MED26: variants seen among roughly 807,000 people sequenced by gnomAD.
MED26 encodes mediator of RNA polymerase II transcription subunit 26.
Under a neutral mutation model 43.7 loss-of-function variants are expected in MED26, and 7 were observed. The observed-to-expected ratio is 0.16, with a 90% CI of 0.09 to 0.30. MED26 has a LOEUF of 0.30. Among genes scored for constraint, MED26 ranks in the 10% least tolerant of loss-of-function variants. MED26 has a pLI of 1.00. For synonymous variants in MED26, 375 were observed against 371.1 expected, an observed-to-expected ratio of 1.01 and a Z score of -0.12; for missense variants, 784 against 840.6, an observed-to-expected ratio of 0.93 and a Z score of 0.83.
At chr19:16,614,200 G>A (rs140666676) in intron 1 of MED26, among the ~76,000 whole-genome samples, 7 of 152,278 alleles carry the variant, frequency 4.6e-5, no homozygotes, top group Non-Finnish European at 8.8e-5. Context: ...AGAAGGACCT[G>A]AAGCCTTCCA....
intron 1 of MED26, among the ~76,000 whole-genome samples, chr19:16,618,852 C>T (rs910665034): frequency 6.6e-6 from 1 of 152,198 alleles, no homozygotes; most frequent in South Asian, 2.1e-4. Context: ...CATAAGGAAA[C>T]GTTTGGTGGG....
At chr19:16,624,604 C>A (rs544209171) in intron 1 of MED26, 1 of 152,252 alleles carries the variant, frequency 6.6e-6, no homozygotes, top group Non-Finnish European at 1.5e-5. Flanking sequence ...CGGACCTTTC[C>A]TCTAAAAGCT....
In MED26 at chr19:16,576,470, G is replaced by C; in HGVS notation, c.1360C>G (p.Gln454Glu). ...TGCTTGTCCAGCTCTGTCCTGGACTGCTGCTCCATGTGCACAGGGCTGTCT... is the reference window on the plus strand; with the variant it reads ...TGCTTGTCCAGCTCTGTCCTGGACTCCTGCTCCATGTGCACAGGGCTGTCT... ...RADSPVHMEQQSRTELDKQEA... is the reference protein window; with the variant it reads ...RADSPVHMEQESRTELDKQEA... The change falls in exon 3 of 3, where the codon CAG (glutamine) becomes GAG (glutamate). Residue 454 changes from glutamine (Q) to glutamate (E), a missense_variant. Coordinates refer to ENST00000263390, the MANE Select transcript of MED26 (RefSeq NM_004831.5). The surrounding 1 kb of genome is among the most constrained non-coding windows in gnomAD (Gnocchi z 6.8). 1 of 1,614,190 alleles carries C rather than the reference G, an allele frequency of 6.2e-7. No homozygotes were observed. Among genetic ancestry groups the C allele is most frequent in the Non-Finnish European group, 8.5e-7 (1 of 1,180,036 alleles).
intron 1 of MED26, among the ~76,000 whole-genome samples, chr19:16,604,486 C>T (rs552084726): frequency 2.6e-5 from 4 of 152,280 alleles, no homozygotes; most frequent in African/African-American, 4.8e-5. Flanking sequence ...TTAAGGAGAA[C>T]GACTAAGCTC....
In MED26 at chr19:16,586,710, C is replaced by A. The variant is rs1249250822; in HGVS notation, c.73-8301G>T. ...GGAGCACAGACTGCAGTTCTGCACT[C>A]CCCCACCTCGGTGTCCGGCCAGCCT... On this transcript the variant is annotated intron_variant, in intron 1 of 2. Coordinates refer to ENST00000263390, the MANE Select transcript of MED26 (RefSeq NM_004831.5). This position sits in a 1 kb window ranked among gnomAD's most constrained non-coding sequence, Gnocchi z 5.1. Among the ~76,000 whole-genome samples the A allele has an allele frequency of 6.6e-6, 1 of 152,206 alleles. No homozygotes were observed. Among genetic ancestry groups the A allele is most frequent in the South Asian group, 2.1e-4 (1 of 4,832 alleles).
intron 1 of MED26, among the ~76,000 whole-genome samples, chr19:16,617,587 G>C (rs1197146143): frequency 6.6e-6 from 1 of 152,222 alleles, no homozygotes; most frequent in Non-Finnish European, 1.5e-5. Context: ...TGGAGGACCA[G>C]AAACAGAAAA....
chr19:16,583,995 C>T (rs899282980), intron 1 of MED26, among the ~76,000 whole-genome samples: 1 of 152,170 alleles, frequency 6.6e-6, no homozygotes, highest in Non-Finnish European at 1.5e-5. Context: ...GCCCCAGGAA[C>T]ACACGCATGG....
chr19:16,577,139 T>C lies in MED26; in HGVS notation c.691A>G (p.Ser231Gly). ...IPVNAVRPHT[S>G]SPGLGKPPGP... ...GGGGGCTTGCCCAGGCCCGGGGAGC[T>C]GGTGTGCGGTCGCACGGCGTTGACG... The change falls in exon 3 of 3, where the codon AGC becomes GGC. Residue 231 changes from serine (S) to glycine (G), a missense_variant. By Grantham distance (56) the Ser-to-Gly change is moderately conservative. Transcript: ENST00000263390. The surrounding 1 kb of genome is among the most constrained non-coding windows in gnomAD (Gnocchi z 8.1). The C allele has an allele frequency of 6.2e-7, 1 of 1,613,292 alleles. No homozygotes were observed. Among genetic ancestry groups the C allele is most frequent in the Non-Finnish European group, 8.5e-7 (1 of 1,179,902 alleles).
At chr19:16,627,820 A>G in intron 1 of MED26, 52 bp downstream of exon 1, 6 of 1,330,036 alleles carry the variant, frequency 4.5e-6, no homozygotes, top group Non-Finnish European at 5.0e-6. Flanking sequence ...GGAGAGGGGG[A>G]GGGTCCCGGG....
chr19:16,613,766 T>TG (rs1599346484), intron 1 of MED26, among the ~76,000 whole-genome samples: 1 of 152,184 alleles, frequency 6.6e-6, no homozygotes, highest in South Asian at 2.1e-4. Context: ...CTGCTGTCCT[T>TG]GCAACCATTT....
At chr19:16,615,290 T>C (rs887127272) in intron 1 of MED26, among the ~76,000 whole-genome samples, 19 of 152,072 alleles carry the variant, frequency 1.2e-4, no homozygotes, top group Non-Finnish European at 2.9e-5. Flanking sequence ...CAGCTGAGCA[T>C]GGCTGGAGCA....
chr19:16,585,143 C>T (rs543249634), intron 1 of MED26, among the ~76,000 whole-genome samples: 2 of 152,180 alleles, frequency 1.3e-5, no homozygotes, highest in South Asian at 4.1e-4. Flanking sequence ...TGGTACTGGG[C>T]TGCTGCTTAA....
intron 1 of MED26, among the ~76,000 whole-genome samples, chr19:16,593,265 T>A (rs1341667516): frequency 6.6e-6 from 1 of 152,136 alleles, no homozygotes; most frequent in Non-Finnish European, 1.5e-5. Flanking sequence ...CACCATTCAC[T>A]GGGTCTGGAA....
At chr19:16,578,505 CAG>C in intron 1 of MED26, 96 bp from the exon 2 acceptor site, 1 of 1,177,834 alleles carries the variant, frequency 8.5e-7, no homozygotes, top group Admixed American at 2.1e-5. Context: ...TCCCCAACCC[CAG>C]AGCAAGAGGA....
intron 1 of MED26, among the ~76,000 whole-genome samples, chr19:16,595,201 G>C (rs79612176): frequency 0.052 from 7,884 of 152,218 alleles, 281 homozygotes; most frequent in South Asian, 0.065. Flanking sequence ...TCAAAGCCCT[G>C]AGATGGTTGA....
At chr19:16,622,934 C>T (rs1041599222) in intron 1 of MED26, among the ~76,000 whole-genome samples, 1 of 152,188 alleles carries the variant, frequency 6.6e-6, no homozygotes, top group Non-Finnish European at 1.5e-5. Flanking sequence ...TGTCCTCCTT[C>T]ACCTAAGAGA....
intron 1 of MED26, among the ~76,000 whole-genome samples, chr19:16,580,996 G>C (rs1386152911): frequency 6.6e-6 from 1 of 152,190 alleles, no homozygotes; most frequent in Non-Finnish European, 1.5e-5. Context: ...GTCCTTGAGG[G>C]CTGTTAATTC....
At chr19:16,609,330 A>G (rs1463462709) in intron 1 of MED26, among the ~76,000 whole-genome samples, 3 of 141,074 alleles carry the variant, frequency 2.1e-5, no homozygotes, top group Non-Finnish European at 3.2e-5. Context: ...AAAAAAAAAA[A>G]AAAAAAAGAG....
intron 1 of MED26, among the ~76,000 whole-genome samples, chr19:16,619,465 C>T (rs990710423): frequency 3.9e-5 from 6 of 152,180 alleles, no homozygotes; most frequent in Admixed American, 1.3e-4. Flanking sequence ...ATGACTAGAA[C>T]GGGGGACATC....
Sources: allele counts gnomAD v4.1 joint callset (sites outside exome capture counted in the v4.1 genomes callset), GRCh38; gene constraint gnomAD v4.1.1; non-coding constraint Gnocchi (gnomAD v3.1); transcripts MANE v1.5; gene names NCBI Gene and HGNC (gene_info 2026-07-23, HGNC 2026-07-21).